Variants in ANP32E observed in about 807,000 individuals in gnomAD.
ANP32E encodes acidic leucine-rich nuclear phosphoprotein 32 family member E.
Under a neutral mutation model 35.3 loss-of-function variants are expected in ANP32E, and 14 were observed. The observed-to-expected ratio is 0.40, with a 90% CI of 0.26 to 0.62. The LOEUF (loss-of-function observed/expected upper bound fraction) is 0.62. Among genes scored for constraint, ANP32E ranks in the 20% least tolerant of loss-of-function variants. The pLI, the probability that ANP32E is intolerant of heterozygous loss-of-function variation, is 0.45. For missense variants in ANP32E, 198 were observed against 304.4 expected (o/e 0.65, Z 2.60); for synonymous variants, 89 against 110.4 (o/e 0.81, Z 1.22).
chr1:150,235,161 C>T lies in ANP32E; in HGVS notation c.54+572G>A, dbSNP rs1160881569. On this transcript the variant is annotated intron_variant, in intron 1 of 6. Coordinates refer to ENST00000583931, the MANE Select transcript of ANP32E (RefSeq NM_030920.5). This position sits in a 1 kb window ranked among gnomAD's most constrained non-coding sequence, Gnocchi z 4.2. The stretch of plus-strand genomic sequence containing the variant: ...CCGCCGGGCGAAGGGCAGAGGGCGG[C>T]GCGCGCGGCTTCCCGGAGGAGTGGG... 6.6e-6 allele frequency among the ~76,000 whole-genome samples: 1 copy of T among 152,236 alleles called. No homozygotes were observed. Among genetic ancestry groups the T allele is most frequent in the Admixed American group, 6.5e-5 (1 of 15,290 alleles).
rs781985136 is a variant in ANP32E at position 150,236,041 on chromosome 1, C to A, written c.-255G>T. 2.6e-5 allele frequency: 14 copies of A among 529,210 alleles called. No homozygotes were observed. Among genetic ancestry groups the A allele is most frequent in the Non-Finnish European group, 4.4e-5 (13 of 292,534 alleles). 32.8% of individuals were successfully genotyped at this position (529,210 alleles called of 1,614,324 possible). ...GCGCGCACACACACGCACGCACGCGCGCACACACATACACACACACATACA... is the reference window on the plus strand; with the variant it reads ...GCGCGCACACACACGCACGCACGCGAGCACACACATACACACACACATACA... On this transcript the variant is annotated 5_prime_UTR_variant, in exon 1 of 7. Transcript: ENST00000583931.
At chr1:150,222,693 A>T (rs1290527607) in intron 6 of ANP32E, among the ~76,000 whole-genome samples, 2 of 151,522 alleles carry the variant, frequency 1.3e-5, no homozygotes, top group Non-Finnish European at 2.9e-5. Context: ...AAGGAGATTG[A>T]GACTGCAGTG....
chr1:150,230,556 A>C lies in ANP32E; in HGVS notation c.327+15T>G. The C allele has an allele frequency of 1.3e-6, 2 of 1,585,382 alleles. No homozygotes were observed. Among genetic ancestry groups the C allele is most frequent in the Non-Finnish European group, 1.7e-6 (2 of 1,167,772 alleles). On this transcript the variant is annotated intron_variant, in intron 3 of 6. Transcript: ENST00000583931. Reference sequence around the variant, plus strand: ...CCAAAAAAAGCAAGTCCAGAGACAAAACTGTTCCACTTACCAGAGCTTCTA... The same window carrying C: ...CCAAAAAAAGCAAGTCCAGAGACAACACTGTTCCACTTACCAGAGCTTCTA...
intron 6 of ANP32E, among the ~76,000 whole-genome samples, chr1:150,222,108 A>G (rs1416355122): frequency 5.2e-5 from 5 of 95,302 alleles, no homozygotes; most frequent in South Asian, 2.2e-4. Flanking sequence ...GAAATAAAAT[A>G]AAATAAAATA....
chr1:150,222,311 C>T (rs1458320414), intron 6 of ANP32E, among the ~76,000 whole-genome samples: 2 of 150,544 alleles, frequency 1.3e-5, no homozygotes, highest in African/African-American at 4.9e-5. Context: ...CCCAGCTACT[C>T]GGGAGGCTGA....
rs1553840947 is a variant in ANP32E at position 150,229,136 on chromosome 1, T to C, written c.429A>G (p.Thr143=). ...ESIFELLQQI[T]YLDGFDQEDN... ...CCTCCTGATCAAATCCATCTAAGTA[T>C]GTGATTTGCTGCAGTAGTTCAAAAA... The change falls in exon 4 of 7, where the codon ACA becomes ACG. Residue 143 remains threonine (T), a synonymous_variant. Transcript: ENST00000583931. The C allele has an allele frequency of 5.0e-6, 8 of 1,613,302 alleles. No homozygotes were observed. The highest frequency in any genetic ancestry group is 2.2e-5 in the South Asian group (2 of 91,036).
chr1:150,226,831 G>A, intron 4 of ANP32E, 36 bp from the exon 5 acceptor site: 1 of 1,568,962 alleles, frequency 6.4e-7, no homozygotes, highest in Non-Finnish European at 8.6e-7. Context: ...TAAATGACTG[G>A]GTAAATGTTT....
At chr1:150,223,620 G>A (rs1315739719) in intron 5 of ANP32E, among the ~76,000 whole-genome samples, 2 of 136,710 alleles carry the variant, frequency 1.5e-5, no homozygotes, top group African/African-American at 2.7e-5. Context: ...GGCAGAGGTT[G>A]CAGTGAGCTG....
chr1:150,223,169 T>C lies in ANP32E; in HGVS notation c.736+17A>G. 6.7e-7 allele frequency: 1 copy of C among 1,494,978 alleles called. No individual in the cohort carries two copies. The highest frequency in any genetic ancestry group is 9.1e-7 in the Non-Finnish European group (1 of 1,098,034). The allele number at this position is 1,494,978 out of a possible 1,614,324, so 92.6% of individuals were successfully genotyped here. A position where few individuals can be genotyped will look rare whatever the true frequency, so the allele number is the denominator to read the frequency against. The stretch of plus-strand genomic sequence containing the variant: ...TGTCTTTAATTTTATAATTTGTTTA[T>C]GGCTAATGTAACTCACCCTCTTCTT... On this transcript the variant is annotated intron_variant, in intron 6 of 6. Transcript: ENST00000583931.
At chr1:150,231,948 T>G in intron 1 of ANP32E, 22 bp from the exon 2 acceptor site, 1 of 1,605,492 alleles carries the variant, frequency 6.2e-7, no homozygotes, top group Non-Finnish European at 8.5e-7. Flanking sequence ...AAAACATTAA[T>G]TAATGATTCT....
rs1649758505 is a variant in ANP32E at position 150,236,055 on chromosome 1, C to A, written c.-269G>T. On this transcript the variant is annotated 5_prime_UTR_variant, in exon 1 of 7. Coordinates refer to ENST00000583931, the MANE Select transcript of ANP32E (RefSeq NM_030920.5). ...GCACGCACGCGCGCACACACATACA[C>A]ACACACATACACACACACACCCGCA... 1.2e-5 allele frequency: 5 copies of A among 417,678 alleles called. No homozygotes were observed. 25.9% of individuals were successfully genotyped at this position (417,678 alleles called of 1,614,324 possible).
chr1:150,231,332 C>T (rs1431816560), intron 2 of ANP32E, among the ~76,000 whole-genome samples: 1 of 152,190 alleles, frequency 6.6e-6, no homozygotes, highest in Non-Finnish European at 1.5e-5. Flanking sequence ...CAGAGGCTCA[C>T]TCCTTTAATC....
chr1:150,224,356 T>A (rs984628423), intron 5 of ANP32E, among the ~76,000 whole-genome samples: 2 of 152,070 alleles, frequency 1.3e-5, no homozygotes, highest in Non-Finnish European at 2.9e-5. Context: ...ATGGATCACC[T>A]GAGGTCAGGA....
At chr1:150,223,128 G>A (rs1191102689) in intron 6 of ANP32E, 58 bp downstream of exon 6, 2 of 1,445,738 alleles carry the variant, frequency 1.4e-6, no homozygotes, top group African/African-American at 2.9e-5. Context: ...AATAAATAAA[G>A]TATAAAAAAT....
intron 1 of ANP32E, 55 bp from the exon 2 acceptor site, chr1:150,231,981 A>G (rs1455952560): frequency 1.3e-6 from 2 of 1,543,454 alleles, no homozygotes; most frequent in Non-Finnish European, 1.8e-6. Context: ...CTGTTTAGGT[A>G]GAGACCTGGG....
At chr1:150,223,009 T>C (rs1159214488) in intron 6 of ANP32E, among the ~76,000 whole-genome samples, 177 bp downstream of exon 6, 2 of 151,658 alleles carry the variant, frequency 1.3e-5, no homozygotes, top group Non-Finnish European at 2.9e-5. Flanking sequence ...ACAATTACTC[T>C]TAAAAAAAAA....
intron 4 of ANP32E, among the ~76,000 whole-genome samples, chr1:150,228,802 G>A (rs1489959531): frequency 6.6e-6 from 1 of 151,978 alleles, no homozygotes; most frequent in Non-Finnish European, 1.5e-5. Context: ...CTATTTAAGA[G>A]GTTGCCACTT....
chr1:150,229,391 G>C (rs1481423789), intron 3 of ANP32E, among the ~76,000 whole-genome samples, 154 bp from the exon 4 acceptor site: 5 of 132,940 alleles, frequency 3.8e-5, no homozygotes, highest in African/African-American at 1.4e-4. Flanking sequence ...TCCGCCTCCC[G>C]GGTTCAAGCG....
intron 2 of ANP32E, among the ~76,000 whole-genome samples, chr1:150,231,250 T>C (rs1649323215): frequency 6.6e-6 from 1 of 152,172 alleles, no homozygotes; most frequent in African/African-American, 2.4e-5. Flanking sequence ...AGAAAAATAT[T>C]TGGTATATAT....
Sources: gnomAD v4.1 joint callset for allele counts (sites outside exome capture counted in the v4.1 genomes callset) on GRCh38, gnomAD v4.1.1 for gene constraint, Gnocchi (gnomAD v3.1) non-coding constraint, MANE v1.5 for transcripts, NCBI Gene and HGNC (gene_info 2026-07-23, HGNC 2026-07-21) for gene names.